GM2A: variants seen among roughly 807,000 people sequenced by gnomAD.
GM2A encodes the protein ganglioside GM2 activator.
GM2A carries 7 observed loss-of-function variants against 12.9 expected under a neutral mutation model. The ratio of observed to expected loss-of-function variants is 0.54; its 90% confidence interval spans 0.31 to 1.02. The LOEUF is 1.02. Among genes scored for constraint, GM2A ranks in the 50% least tolerant of loss-of-function variants. The probability of loss-of-function intolerance (pLI) is 0.05; values close to 1 mark genes in which losing one functional copy is unlikely to be tolerated. For missense variants in GM2A, 246 were observed against 241.0 expected, an observed-to-expected ratio of 1.02 and a Z score of -0.14; for synonymous variants, 101 against 96.0, an observed-to-expected ratio of 1.05 and a Z score of -0.30.
intron 1 of GM2A, among the ~76,000 whole-genome samples, chr5:151,255,280 G>A (rs1224881401): frequency 1.3e-5 from 2 of 152,174 alleles, no homozygotes; most frequent in East Asian, 3.9e-4. Flanking sequence ...TCCAGCCTGG[G>A]TGACAGAGTG....
rs986448511 is a variant in GM2A at position 151,267,199 on chromosome 5, G to A, written c.427-97G>A. Reference sequence around the variant, plus strand: ...GCGGCTGTTTTGAGAATGGGAAGAGGGGTGGTAGTTCATGGCTGCAATCCT... The same window carrying A: ...GCGGCTGTTTTGAGAATGGGAAGAGAGGTGGTAGTTCATGGCTGCAATCCT... On this transcript the variant is annotated intron_variant, in intron 3 of 3. Transcript: ENST00000357164. 5 of 1,472,194 alleles carry A rather than the reference G, an allele frequency of 3.4e-6. No homozygotes were observed. The Admixed American group carries it at 7.1e-5, about 21-fold the overall frequency. 91.2% of individuals were successfully genotyped at this position (1,472,194 alleles called of 1,614,324 possible).
chr5:151,268,713 A>T lies in GM2A; in HGVS notation c.*1262A>T. 8.9e-6 allele frequency: 5 copies of T among 559,544 alleles called. No individual in the cohort carries two copies. Among genetic ancestry groups the T allele is most frequent in the Non-Finnish European group, 1.1e-5 (5 of 443,542 alleles). The allele number at this position is 559,544 out of a possible 1,614,324, so 34.7% of individuals were successfully genotyped here. A position where few individuals can be genotyped will look rare whatever the true frequency, so the allele number is the denominator to read the frequency against. On this transcript the variant is annotated 3_prime_UTR_variant, in exon 4 of 4. Coordinates refer to ENST00000357164, the MANE Select transcript of GM2A (RefSeq NM_000405.5). Reference sequence around the variant, plus strand: ...AAAGTTTCAATGTTTACTCCTAGAGAAGCCAAAAATCCAGATTTGTATATG... The same window carrying T: ...AAAGTTTCAATGTTTACTCCTAGAGTAGCCAAAAATCCAGATTTGTATATG...
In GM2A at chr5:151,268,508, A is replaced by G. The variant is rs962709421; in HGVS notation, c.*1057A>G. 1.0e-6 allele frequency: 1 copy of G among 985,328 alleles called. No homozygotes were observed. The highest frequency in any genetic ancestry group is 1.7e-5 in the African/African-American group (1 of 57,244). 61.0% of individuals were successfully genotyped at this position (985,328 alleles called of 1,614,324 possible). ...CAATGTAAATATTTCTTACACAGAA[A>G]GTCACAGCACATGTGCCCATTGATA... On this transcript the variant is annotated 3_prime_UTR_variant, in exon 4 of 4. Transcript: ENST00000357164.
rs1753956193 is a variant in GM2A, at chr5:151,269,037, G to A, written c.*1586G>A. 1.0e-6 allele frequency: 1 copy of A among 985,466 alleles called. No homozygotes were observed. Among genetic ancestry groups the A allele is most frequent in the Non-Finnish European group, 1.2e-6 (1 of 829,954 alleles). 61.0% of individuals were successfully genotyped at this position (985,466 alleles called of 1,614,324 possible). A position where few individuals can be genotyped will look rare whatever the true frequency, so the allele number is the denominator to read the frequency against. ...CCTGCCTCAGTCTTGGAGTCCTGTT[G>A]GGTGAATGAGGCAGATGGGAAAGAG... On this transcript the variant is annotated 3_prime_UTR_variant, in exon 4 of 4. Coordinates refer to ENST00000357164, the MANE Select transcript of GM2A (RefSeq NM_000405.5).
intron 1 of GM2A, among the ~76,000 whole-genome samples, chr5:151,253,526 C>G (rs1459707407): frequency 6.6e-6 from 1 of 152,240 alleles, no homozygotes; most frequent in East Asian, 1.9e-4. Flanking sequence ...CACGTCTGCA[C>G]TCTCCTGCCC....
chr5:151,253,325 T>C lies in GM2A; in HGVS notation c.81+28T>C, dbSNP rs975000914. The C allele has an allele frequency of 3.2e-6, 5 of 1,538,842 alleles. No individual in the cohort carries two copies. The African/African-American group carries it at 5.4e-5, about 17-fold the overall frequency. On this transcript the variant is annotated intron_variant, in intron 1 of 3. Coordinates refer to ENST00000357164, the MANE Select transcript of GM2A (RefSeq NM_000405.5). Reference sequence around the variant, plus strand: ...GAGTGCACCCTCTTTTAAGAGTCTGTTTGCAGCCTCCTGGCCCAGCTACGG... The same window carrying C: ...GAGTGCACCCTCTTTTAAGAGTCTGCTTGCAGCCTCCTGGCCCAGCTACGG...
At chr5:151,262,788 G>A (rs1330043011) in intron 2 of GM2A, among the ~76,000 whole-genome samples, 1 of 152,140 alleles carries the variant, frequency 6.6e-6, no homozygotes, top group Non-Finnish European at 1.5e-5. Flanking sequence ...GGCTCTCCTG[G>A]TAGGCCGTCC....
chr5:151,262,007 T>C (rs1438053521), intron 2 of GM2A, among the ~76,000 whole-genome samples: 1 of 152,260 alleles, frequency 6.6e-6, no homozygotes, highest in Non-Finnish European at 1.5e-5. Context: ...TGATACATTT[T>C]GCCAAAGTGC....
rs1753976006 is a variant in GM2A at position 151,269,951 on chromosome 5, G to A, written c.*2500G>A. ...ATGCCGGGGATCTGACACCTCACCT[G>A]GCAATGACCTCCACAGCCGTTTCCC... On this transcript the variant is annotated 3_prime_UTR_variant, in exon 4 of 4. Transcript: ENST00000357164. The A allele has an allele frequency of 6.6e-6, 8 of 1,208,168 alleles. No individual in the cohort carries two copies. Among genetic ancestry groups the A allele is most frequent in the Non-Finnish European group, 8.2e-6 (8 of 973,526 alleles). 74.8% of individuals were successfully genotyped at this position (1,208,168 alleles called of 1,614,324 possible).
intron 2 of GM2A, among the ~76,000 whole-genome samples, chr5:151,261,167 G>C (rs192179806): frequency 6.6e-6 from 1 of 152,270 alleles, no homozygotes; most frequent in East Asian, 1.9e-4. Context: ...TGGGACCACA[G>C]GTTCATGTCA....
rs1223484880 is a variant in GM2A at position 151,267,546 on chromosome 5, C to A, written c.*95C>A. The A allele has an allele frequency of 4.4e-6, 7 of 1,576,124 alleles. No homozygotes were observed. The highest frequency in any genetic ancestry group is 1.9e-5 in the Admixed American group (1 of 53,934). On this transcript the variant is annotated 3_prime_UTR_variant, in exon 4 of 4. Coordinates refer to ENST00000357164, the MANE Select transcript of GM2A (RefSeq NM_000405.5). Reference sequence around the variant, plus strand: ...AGGCCAAACTCCCACTCTCTGCCCCCCTTTAATCCCCTTTCTACAGTGAGT... The same window carrying A: ...AGGCCAAACTCCCACTCTCTGCCCCACTTTAATCCCCTTTCTACAGTGAGT...
In GM2A at chr5:151,267,609, A is replaced by G. The variant is rs767039864; in HGVS notation, c.*158A>G. 2.7e-5 allele frequency: 41 copies of G among 1,529,404 alleles called. No individual in the cohort carries two copies. The African/African-American group carries it at 5.3e-4, about 20-fold the overall frequency. 94.7% of individuals were successfully genotyped at this position (1,529,404 alleles called of 1,614,324 possible). A position where few individuals can be genotyped will look rare whatever the true frequency, so the allele number is the denominator to read the frequency against. On this transcript the variant is annotated 3_prime_UTR_variant, in exon 4 of 4. Transcript: ENST00000357164. ...CTGAAAATCATTTTGTACCACTTAC[A>G]TTTTAGGCTGGGGCAAGCAGCCCTG...
chr5:151,266,664 G>T, intron 2 of GM2A, 67 bp from the exon 3 acceptor site: 1 of 1,144,598 alleles, frequency 8.7e-7, no homozygotes, highest in Non-Finnish European at 1.3e-6. Flanking sequence ...CAGAAGAGCT[G>T]GTATGTTTGC....
chr5:151,265,129 A>G (rs1266593747), intron 2 of GM2A, among the ~76,000 whole-genome samples: 1 of 152,126 alleles, frequency 6.6e-6, no homozygotes, highest in Non-Finnish European at 1.5e-5. Flanking sequence ...AGCAGGTTTG[A>G]TGAGAGAGAG....
chr5:151,268,560 T>G lies in GM2A; in HGVS notation c.*1109T>G, dbSNP rs1753942823. ...AAGGCTGCTGAGGCCTGGTCTCCAG[T>G]TGGAAATATAATTAAGGGTGGCAAG... On this transcript the variant is annotated 3_prime_UTR_variant, in exon 4 of 4. Transcript: ENST00000357164. 1.0e-6 allele frequency: 1 copy of G among 984,710 alleles called. No homozygotes were observed. The highest frequency in any genetic ancestry group is 1.7e-5 in the African/African-American group (1 of 57,180). The allele number at this position is 984,710 out of a possible 1,614,324, so 61.0% of individuals were successfully genotyped here.
rs1753621823 is a variant in GM2A at position 151,253,246 on chromosome 5, G to A, written c.30G>A (p.Leu10=). 1 of 1,613,924 alleles carries A rather than the reference G, an allele frequency of 6.2e-7. No homozygotes were observed. Among genetic ancestry groups the A allele is most frequent in the African/African-American group, 1.3e-5 (1 of 74,924 alleles). The change falls in exon 1 of 4, where the codon CTG becomes CTA. Residue 10 remains leucine, a synonymous_variant. Coordinates refer to ENST00000357164, the MANE Select transcript of GM2A (RefSeq NM_000405.5). MQSLMQAPL[L]IALGLLLAAP... Reference sequence around the variant, plus strand: ...AGTCCCTGATGCAGGCTCCCCTCCTGATCGCCCTGGGCTTGCTTCTCGCGG... The same window carrying A: ...AGTCCCTGATGCAGGCTCCCCTCCTAATCGCCCTGGGCTTGCTTCTCGCGG...
intron 1 of GM2A, among the ~76,000 whole-genome samples, chr5:151,254,761 T>C (rs1476459970): frequency 6.6e-6 from 1 of 152,198 alleles, no homozygotes; most frequent in African/African-American, 2.4e-5. Context: ...ACAAAGCCTA[T>C]TTCATAATAA....
chr5:151,265,630 A>G (rs1387427215), intron 2 of GM2A, among the ~76,000 whole-genome samples: 2 of 152,216 alleles, frequency 1.3e-5, no homozygotes, highest in African/African-American at 4.8e-5. Flanking sequence ...CACTAGAGGC[A>G]ACTAACACAT....
At chr5:151,254,992 A>C (rs1753657085) in intron 1 of GM2A, among the ~76,000 whole-genome samples, 2 of 152,142 alleles carry the variant, frequency 1.3e-5, no homozygotes, top group South Asian at 4.1e-4. Flanking sequence ...GTATACAACT[A>C]TGGTTTGTCA....
Sources: allele counts gnomAD v4.1 joint callset (sites outside exome capture counted in the v4.1 genomes callset), GRCh38; gene constraint gnomAD v4.1.1; transcripts MANE v1.5; gene names NCBI Gene and HGNC (gene_info 2026-07-23, HGNC 2026-07-21).